Variants in ARHGEF11 observed in about 807,000 individuals in gnomAD.
ARHGEF11 encodes the protein Rho guanine nucleotide exchange factor 11, also known as Rho guanine exchange factor (GEF) 11.
ARHGEF11 carries 55 observed loss-of-function variants against 193.7 expected under a neutral mutation model. That is an observed-to-expected ratio of 0.28 (90% confidence interval 0.23 to 0.36). The LOEUF (loss-of-function observed/expected upper bound fraction) is 0.36, where lower values mean the gene tolerates loss of function less well. ARHGEF11 is among the 10% of genes least tolerant of loss of function. The pLI is 1.00. For missense variants in ARHGEF11, 1,723 were observed against 2,005.6 expected (o/e 0.86, Z 2.69); for synonymous variants, 693 against 768.0 (o/e 0.90, Z 1.62).
intron 1 of ARHGEF11, among the ~76,000 whole-genome samples, chr1:156,998,918 A>G (rs868665842): frequency 2.6e-5 from 4 of 152,354 alleles, no homozygotes; most frequent in South Asian, 2.1e-4. Flanking sequence ...GCCATTTACT[A>G]GCTGTGCAAC....
In ARHGEF11 at chr1:156,977,051, G is replaced by A; in HGVS notation, c.514C>T (p.Pro172Ser). The A allele has an allele frequency of 6.2e-7, 1 of 1,613,812 alleles. No individual in the cohort carries two copies. The highest frequency in any genetic ancestry group is 8.5e-7 in the Non-Finnish European group (1 of 1,179,816). Residue 172 changes from proline to serine, a missense_variant, in exon 7 of 41, where the codon CCC becomes TCC. By Grantham distance (74) the Pro-to-Ser change is moderately conservative. Around this residue, in one of 5 missense-constraint regions of ARHGEF11, gnomAD observed 646 missense variants for 710.7 expected, o/e 0.91. Coordinates refer to ENST00000368194, the MANE Select transcript of ARHGEF11 (RefSeq NM_198236.3). ...TGGGTGGCATGTTTTTGAACTTCGG[G>A]ATCCTAGACATGGAAAATATGGCAA... ...RITGPKPLQD[P>S]EVQKHATQIL...
In ARHGEF11 at chr1:156,945,136, C is replaced by A; in HGVS notation, c.2874G>T (p.Lys958Asn). 1 of 1,614,204 alleles carries A rather than the reference C, an allele frequency of 6.2e-7. No individual in the cohort carries two copies. The highest frequency in any genetic ancestry group is 8.5e-7 in the Non-Finnish European group (1 of 1,180,028). Residue 958 changes from lysine to asparagine, a missense_variant, in exon 30 of 41, where the codon AAG (lysine) becomes AAT (asparagine). Transcript: ENST00000368194. The part of the protein sequence containing the change: ...RARDQCREIL[K>N]YVNEAVKQTE... ...TTTGTTTTACCGCTTCATTCACATA[C>A]TTGAGAATCTCCCGGCACTGGTCCC...
intron 1 of ARHGEF11, among the ~76,000 whole-genome samples, chr1:157,041,176 T>C (rs1672700949): frequency 6.6e-6 from 1 of 152,222 alleles, no homozygotes; most frequent in Non-Finnish European, 1.5e-5. Context: ...CTAACAGATA[T>C]AGATGGCTTA....
chr1:157,022,963 A>C (rs1347411319), intron 1 of ARHGEF11, among the ~76,000 whole-genome samples: 1 of 152,222 alleles, frequency 6.6e-6, no homozygotes, highest in Non-Finnish European at 1.5e-5. Context: ...CAAAAGTACG[A>C]AGTTGGACCC....
Position 156,985,872 on chromosome 1 carries a change from C to T in ARHGEF11, c.124+210G>A, listed in dbSNP as rs1664847322. 5 of 484,084 alleles carry T rather than the reference C, an allele frequency of 1.0e-5. No individual in the cohort carries two copies. The South Asian group carries it at 1.2e-4, about 12-fold the overall frequency. The allele number at this position is 484,084 out of a possible 1,614,324, so 30.0% of individuals were successfully genotyped here. On this transcript the variant is annotated intron_variant, in intron 2 of 40. Coordinates refer to ENST00000368194, the MANE Select transcript of ARHGEF11 (RefSeq NM_198236.3). ...TCCATTTCTGACCTGGGTCAGTTCA[C>T]CTCTCCTTCGGCAACCTGGTAGTTC...
In ARHGEF11 at chr1:156,986,109, G is replaced by T; in HGVS notation, c.97C>A (p.Gln33Lys). 2 of 1,614,014 alleles carry T rather than the reference G, an allele frequency of 1.2e-6. No homozygotes were observed. The highest frequency in any genetic ancestry group is 1.3e-5 in the African/African-American group (1 of 75,044). ...GTTGTCTCAGAGGCATCCGAAGGCT[G>T]GCGATGGTGGGAAGGGGACTTGCGC... is the stretch of plus-strand genomic sequence containing the variant. ...PERKSPSHHR[Q>K]PSDASETTGL... The change falls in exon 2 of 41, where the codon CAG becomes AAG. Residue 33 changes from glutamine to lysine, a missense_variant. Physicochemically the swap from Gln to Lys is moderately conservative, Grantham distance 53 (BLOSUM62 1). Around this residue, in one of 5 missense-constraint regions of ARHGEF11, gnomAD observed 646 missense variants for 710.7 expected, o/e 0.91. Coordinates refer to ENST00000368194, the MANE Select transcript of ARHGEF11 (RefSeq NM_198236.3).
chr1:157,012,164 A>G (rs1668622811), intron 1 of ARHGEF11, among the ~76,000 whole-genome samples: 1 of 152,190 alleles, frequency 6.6e-6, no homozygotes, highest in South Asian at 2.1e-4. Context: ...AAAGAACGAA[A>G]TCCTGATACA....
intron 1 of ARHGEF11, among the ~76,000 whole-genome samples, chr1:156,991,135 T>C (rs924365168): frequency 6.6e-6 from 1 of 152,202 alleles, no homozygotes; most frequent in Non-Finnish European, 1.5e-5. Context: ...CCAATATATT[T>C]ACTCACTGCT....
intron 39 of ARHGEF11, 64 bp from the exon 40 acceptor site, chr1:156,937,069 G>C: frequency 6.3e-7 from 1 of 1,585,180 alleles, no homozygotes. Flanking sequence ...CTGGGGAAGG[G>C]GTCTGTGCTG....
intron 10 of ARHGEF11, 74 bp downstream of exon 10, chr1:156,969,208 G>C: frequency 8.1e-7 from 1 of 1,229,920 alleles, no homozygotes; most frequent in Non-Finnish European, 1.2e-6. Flanking sequence ...GCAGCTGGTA[G>C]GCAGCAGAAC....
chr1:156,987,276 G>T (rs1665067450), intron 1 of ARHGEF11, among the ~76,000 whole-genome samples: 1 of 152,188 alleles, frequency 6.6e-6, no homozygotes, highest in Non-Finnish European at 1.5e-5. Flanking sequence ...TGTTCACAAT[G>T]AGTGACTGGT....
intron 34 of ARHGEF11, 76 bp downstream of exon 34, chr1:156,941,788 G>A (rs1010372599): frequency 3.9e-5 from 59 of 1,524,786 alleles, no homozygotes; most frequent in South Asian, 7.7e-5. Flanking sequence ...CCACGGGGGC[G>A]AAGGGCTTAA....
rs141068836 is a variant in ARHGEF11 at position 156,977,148 on chromosome 1, G to A, written c.511-94C>T. ...CTGGTTCCTGGGCAAGGACAGCTAT[G>A]AGAATAGAGCCTGGATCATAAGTAT... On this transcript the variant is annotated intron_variant, in intron 6 of 40. Transcript: ENST00000368194. 593 of 1,042,338 alleles carry A rather than the reference G, an allele frequency of 5.7e-4. No individual in the cohort carries two copies. The African/African-American group carries it at 8.2e-3, about 14-fold the overall frequency. 64.6% of individuals were successfully genotyped at this position (1,042,338 alleles called of 1,614,324 possible). A position where few individuals can be genotyped will look rare whatever the true frequency, so the allele number is the denominator to read the frequency against.
chr1:157,033,029 C>A (rs1194430817), intron 1 of ARHGEF11, among the ~76,000 whole-genome samples: 3 of 152,118 alleles, frequency 2.0e-5, no homozygotes, highest in South Asian at 4.2e-4. Context: ...TCTCTCTACA[C>A]CCTGCCCCTG....
chr1:157,025,626 T>C (rs1670549534), intron 1 of ARHGEF11, among the ~76,000 whole-genome samples: 1 of 152,164 alleles, frequency 6.6e-6, no homozygotes, highest in Non-Finnish European at 1.5e-5. Flanking sequence ...CTCCGTGAGA[T>C]TGATGATGAC....
chr1:156,940,162 G>A, intron 36 of ARHGEF11, 45 bp downstream of exon 36: 1 of 1,527,520 alleles, frequency 6.5e-7, no homozygotes, highest in African/African-American at 1.4e-5. Flanking sequence ...CACTGGGTGT[G>A]CGACTGGGGA....
chr1:156,935,900 C>T lies in ARHGEF11; in HGVS notation c.*100G>A. The stretch of plus-strand genomic sequence containing the variant: ...TCCTAGTTTCCCTAACTGCCTCCTC[C>T]ACAGGGAGGAGTGTTGGGATCCCCC... On this transcript the variant is annotated 3_prime_UTR_variant, in exon 41 of 41. Coordinates refer to ENST00000368194, the MANE Select transcript of ARHGEF11 (RefSeq NM_198236.3). The T allele has an allele frequency of 7.3e-7, 1 of 1,361,262 alleles. No individual in the cohort carries two copies. The highest frequency in any genetic ancestry group is 1.0e-6 in the Non-Finnish European group (1 of 996,320). The allele number at this position is 1,361,262 out of a possible 1,614,324, so 84.3% of individuals were successfully genotyped here.
chr1:156,942,852 G>T, intron 32 of ARHGEF11, 72 bp from the exon 33 acceptor site: 2 of 1,251,816 alleles, frequency 1.6e-6, no homozygotes, highest in Non-Finnish European at 2.3e-6. Context: ...GGGCCAGGGT[G>T]ACAGAGTGGG....
chr1:156,945,836 G>T, intron 29 of ARHGEF11: 1 of 492,694 alleles, frequency 2.0e-6, no homozygotes, highest in Non-Finnish European at 3.6e-6. Flanking sequence ...TTCGATGGTG[G>T]CCCCTACTCC....
Sources: allele counts gnomAD v4.1 joint callset (sites outside exome capture counted in the v4.1 genomes callset), GRCh38; gene constraint gnomAD v4.1.1; regional missense constraint gnomAD v4.1.1; transcripts MANE v1.5; gene names NCBI Gene and HGNC (gene_info 2026-07-23, HGNC 2026-07-21).